Variants in PROS1 observed in about 807,000 individuals in gnomAD.
The protein encoded by PROS1 is vitamin K-dependent protein S.
PROS1 carries 29 observed loss-of-function variants against 75.9 expected under a neutral mutation model. The observed-to-expected ratio is 0.38, with a 90% CI of 0.28 to 0.52. PROS1 has a LOEUF of 0.52. PROS1 is among the 20% of genes least tolerant of loss of function. The pLI, the probability that PROS1 is intolerant of heterozygous loss-of-function variation, is 0.83. For missense variants in PROS1, 680 were observed against 810.3 expected, an observed-to-expected ratio of 0.84 and a Z score of 1.95; for synonymous variants, 245 against 280.6, an observed-to-expected ratio of 0.87 and a Z score of 1.27.
chr3:93,938,636 C>T (rs536142147), intron 1 of PROS1, among the ~76,000 whole-genome samples: 1 of 152,314 alleles, frequency 6.6e-6, no homozygotes, highest in Admixed American at 6.5e-5. Context: ...ACCCTTCAAT[C>T]TCCCTCTCTC....
At chr3:93,884,663 ACT>A (rs1708320862) in intron 12 of PROS1, 63 bp downstream of exon 12, 1 of 1,471,284 alleles carries the variant, frequency 6.8e-7, no homozygotes, top group South Asian at 1.2e-5. Context: ...ATAAATTATT[ACT>A]GTTTGTTAAT....
intron 9 of PROS1, among the ~76,000 whole-genome samples, chr3:93,895,039 A>G (rs1440566914): frequency 6.6e-6 from 1 of 152,160 alleles, no homozygotes; most frequent in African/African-American, 2.4e-5. Flanking sequence ...AGTCCCTTAT[A>G]TAGAATGGCA....
At chr3:93,923,903 C>CA (rs11445254) in intron 3 of PROS1, among the ~76,000 whole-genome samples, 17,444 of 111,904 alleles carry the variant, frequency 0.16, 1,505 homozygotes, top group African/African-American at 0.31. Context: ...CGCTGCCTCA[C>CA]AAAAAAAAAA....
chr3:93,924,946 G>A (rs1447176220), intron 2 of PROS1, among the ~76,000 whole-genome samples: 1 of 152,092 alleles, frequency 6.6e-6, no homozygotes, highest in Non-Finnish European at 1.5e-5. Context: ...TGGAATTACA[G>A]GTGTGAGCCA....
intron 8 of PROS1, 111 bp downstream of exon 8, chr3:93,898,337 G>T: frequency 1.6e-6 from 2 of 1,260,030 alleles, no homozygotes; most frequent in Non-Finnish European, 2.3e-6. Context: ...TAAAGCTACA[G>T]CAATTATTGC....
chr3:93,898,721 A>G lies in PROS1; in HGVS notation c.728-152T>C. On this transcript the variant is annotated intron_variant, in intron 7 of 14. Coordinates refer to ENST00000394236, the MANE Select transcript of PROS1 (RefSeq NM_000313.4). ...CTATGACATCAAACTACATTTAAAC[A>G]TAATACTGAACATGGAAATTTAAAC... 3.6e-6 allele frequency: 3 copies of G among 834,114 alleles called. No individual in the cohort carries two copies. In the South Asian group the frequency reaches 4.8e-5, roughly 13 times the overall value. 51.7% of individuals were successfully genotyped at this position (834,114 alleles called of 1,614,324 possible).
chr3:93,905,411 G>T (rs1200187799), intron 6 of PROS1, among the ~76,000 whole-genome samples: 2 of 152,106 alleles, frequency 1.3e-5, no homozygotes, highest in Non-Finnish European at 2.9e-5. Flanking sequence ...AGATCAGTTT[G>T]GGCAACATGA....
At chr3:93,920,669 T>C (rs1427590561) in intron 3 of PROS1, among the ~76,000 whole-genome samples, 1 of 152,182 alleles carries the variant, frequency 6.6e-6, no homozygotes, top group East Asian at 1.9e-4. Context: ...GCATTGAATG[T>C]AACCTCCAGT....
At chr3:93,933,280 A>C (rs1709133153) in intron 1 of PROS1, among the ~76,000 whole-genome samples, 1 of 152,198 alleles carries the variant, frequency 6.6e-6, no homozygotes, top group African/African-American at 2.4e-5. Context: ...TATTTTGTTT[A>C]AACCAAGACT....
At chr3:93,961,812 A>C (rs1709709463) in intron 1 of PROS1, among the ~76,000 whole-genome samples, 1 of 152,236 alleles carries the variant, frequency 6.6e-6, no homozygotes, top group South Asian at 2.1e-4. Context: ...GGCTAATGCC[A>C]TCCTAGACCA....
chr3:93,930,724 T>C (rs1326339148), intron 1 of PROS1, among the ~76,000 whole-genome samples: 1 of 152,182 alleles, frequency 6.6e-6, no homozygotes, highest in Non-Finnish European at 1.5e-5. Context: ...CTTAAGTTTA[T>C]AAAAGTAAAC....
Position 93,877,127 on chromosome 3 carries a change from T to C in PROS1, c.1709A>G (p.Asp570Gly), listed in dbSNP as rs1708201906. ...YRIQALSLCS[D>G]QQSHLEFRVN... ...TCTAAATTCCAGATGAGATTGTTGATCGGAACATAGACTTAGGGCCTGTAT... is the reference window on the plus strand; with the variant it reads ...TCTAAATTCCAGATGAGATTGTTGACCGGAACATAGACTTAGGGCCTGTAT... The change falls in exon 14 of 15, where the codon GAT (aspartate) becomes GGT (glycine). Residue 570 changes from aspartate to glycine, a missense_variant. Physicochemically the swap from Asp to Gly is moderately conservative, Grantham distance 94 (BLOSUM62 -1). Transcript: ENST00000394236. 6.2e-7 allele frequency: 1 copy of C among 1,612,756 alleles called. No individual in the cohort carries two copies. Among genetic ancestry groups the C allele is most frequent in the Non-Finnish European group, 8.5e-7 (1 of 1,178,936 alleles).
chr3:93,939,219 T>G (rs1709238039), intron 1 of PROS1, among the ~76,000 whole-genome samples: 2 of 152,154 alleles, frequency 1.3e-5, no homozygotes, highest in Non-Finnish European at 2.9e-5. Context: ...ATAGTTCTTG[T>G]CATAAAATGA....
At chr3:93,901,017 T>C in intron 6 of PROS1, 88 bp from the exon 7 acceptor site, 1 of 1,437,678 alleles carries the variant, frequency 7.0e-7, no homozygotes, top group Non-Finnish European at 9.5e-7. Context: ...TCCTGGATCT[T>C]GTTTAATATA....
chr3:93,880,068 T>C (rs1708253482), intron 12 of PROS1, among the ~76,000 whole-genome samples: 1 of 152,210 alleles, frequency 6.6e-6, no homozygotes. Flanking sequence ...TAATATGATG[T>C]AACATACAGC....
At chr3:93,892,538 C>T (rs1320337339) in intron 10 of PROS1, among the ~76,000 whole-genome samples, 1 of 151,450 alleles carries the variant, frequency 6.6e-6, no homozygotes, top group African/African-American at 2.4e-5. Context: ...ACAGGAGAAT[C>T]ACTTGAACCT....
chr3:93,960,035 T>C (rs919016725), intron 1 of PROS1, among the ~76,000 whole-genome samples: 2 of 152,218 alleles, frequency 1.3e-5, no homozygotes, highest in African/African-American at 4.8e-5. Context: ...AGGCAATAAG[T>C]ATTTATACTT....
At position 93,874,138 on chromosome 3, in the gene PROS1, C is replaced by T. The variant is rs1026520130; in HGVS notation, c.*107G>A. On this transcript the variant is annotated 3_prime_UTR_variant, in exon 15 of 15. Transcript: ENST00000394236. The stretch of plus-strand genomic sequence containing the variant: ...TTTTAAAAATCCCAGGAAAGGACCA[C>T]AAAATAATCAAAGACTGCACATTGT... 3.8e-6 allele frequency: 5 copies of T among 1,312,320 alleles called. No individual in the cohort carries two copies. The highest frequency in any genetic ancestry group is 2.9e-5 in the African/African-American group (2 of 67,914). The allele number at this position is 1,312,320 out of a possible 1,614,324, so 81.3% of individuals were successfully genotyped here.
chr3:93,927,843 A>G (rs1709042644), intron 1 of PROS1, among the ~76,000 whole-genome samples: 2 of 96,714 alleles, frequency 2.1e-5, no homozygotes, highest in South Asian at 8.5e-4. Context: ...TTTCTACAAA[A>G]AACAAACATA....
Sources: gnomAD v4.1 joint callset for allele counts (sites outside exome capture counted in the v4.1 genomes callset) on GRCh38, gnomAD v4.1.1 for gene constraint, MANE v1.5 for transcripts, NCBI Gene and HGNC (gene_info 2026-07-23, HGNC 2026-07-21) for gene names.